The following NAALADL2 variants were observed in gnomAD, a reference collection of about 807,000 sequenced individuals.
NAALADL2 encodes the protein inactive N-acetylated-alpha-linked acidic dipeptidase-like protein 2.
In NAALADL2, 76 loss-of-function variants were observed where a neutral mutation model predicts 87.2. That is an observed-to-expected ratio of 0.87 (90% CI 0.72 to 1.05). NAALADL2 has a LOEUF of 1.05. NAALADL2 is among the 50% of genes least tolerant of loss of function. The pLI, the probability that NAALADL2 is intolerant of heterozygous loss-of-function variation, is 0.00. For missense variants in NAALADL2, 1,089 were observed against 945.8 expected, an observed-to-expected ratio of 1.15 and a Z score of -1.99; for synonymous variants, 354 against 331.0, an observed-to-expected ratio of 1.07 and a Z score of -0.75.
At chr3:174,973,834 C>A (rs57388694) in intron 1 of NAALADL2, among the ~76,000 whole-genome samples, 3,287 of 152,162 alleles carry the variant, frequency 0.022, 117 homozygotes, top group African/African-American at 0.075. Context: ...TAGGATATTA[C>A]AATTTTATGG....
At chr3:175,023,535 G>A (rs1366089167) in intron 1 of NAALADL2, among the ~76,000 whole-genome samples, 2 of 151,944 alleles carry the variant, frequency 1.3e-5, no homozygotes, top group Non-Finnish European at 2.9e-5. Context: ...TTCTCAAAAA[G>A]GGGAAAGCTT....
chr3:175,655,084 G>A (rs1187324475), intron 11 of NAALADL2, among the ~76,000 whole-genome samples: 2 of 152,074 alleles, frequency 1.3e-5, no homozygotes, highest in African/African-American at 4.8e-5. Flanking sequence ...ATGAATTACA[G>A]TTAATTTGAT....
rs370114056 is a variant in NAALADL2, at chr3:174,609,465, A to G, written c.-115+58828A>G. Reference sequence around the variant, plus strand: ...TAAGCTGATAAGCAACTTCAGCAAAATCTCAGGATACAAAATCAATGTACA... The same window carrying G: ...TAAGCTGATAAGCAACTTCAGCAAAGTCTCAGGATACAAAATCAATGTACA... On this transcript the variant is annotated intron_variant, in intron 2 of 3. Coordinates refer to the NAALADL2 transcript ENST00000434257. Among the ~76,000 whole-genome samples, 400 of 152,046 alleles carry G rather than the reference A, an allele frequency of 2.6e-3. 2 individuals are homozygous for G. The highest frequency in any genetic ancestry group is 9.5e-3 in the East Asian group (49 of 5,160).
intron 2 of NAALADL2, among the ~76,000 whole-genome samples, chr3:174,714,914 G>C (rs1045692281): frequency 1.3e-5 from 2 of 152,172 alleles, no homozygotes; most frequent in African/African-American, 4.8e-5. Flanking sequence ...TGCCCATTCA[G>C]TATGATATTG....
chr3:175,347,722 A>G (rs934880745), intron 5 of NAALADL2, among the ~76,000 whole-genome samples: 2 of 152,138 alleles, frequency 1.3e-5, no homozygotes, highest in African/African-American at 2.4e-5. Flanking sequence ...GATGACTTAG[A>G]CAATACCGAT....
At chr3:175,308,968 A>G (rs922508495) in intron 4 of NAALADL2, among the ~76,000 whole-genome samples, 4 of 152,194 alleles carry the variant, frequency 2.6e-5, no homozygotes, top group African/African-American at 7.2e-5. Flanking sequence ...GGTCATGTAT[A>G]TGAATCCTTG....
chr3:175,017,772 G>A (rs1295462445), intron 1 of NAALADL2, among the ~76,000 whole-genome samples: 4 of 151,970 alleles, frequency 2.6e-5, no homozygotes, highest in Admixed American at 6.6e-5. Context: ...TTTTTGGGGG[G>A]CACTGAAGCA....
intron 9 of NAALADL2, among the ~76,000 whole-genome samples, chr3:175,506,809 C>T (rs901168343): frequency 6.6e-6 from 1 of 152,140 alleles, no homozygotes; most frequent in African/African-American, 2.4e-5. Flanking sequence ...ATAAAAAATT[C>T]TCCATACTTG....
chr3:175,769,752 C>G (rs1008233829), intron 13 of NAALADL2, among the ~76,000 whole-genome samples: 3 of 151,224 alleles, frequency 2.0e-5, no homozygotes, highest in African/African-American at 7.3e-5. Context: ...GTGTGTATGT[C>G]TCTGTGTGTG....
intron 3 of NAALADL2, among the ~76,000 whole-genome samples, chr3:174,807,888 T>TGTGTGA (rs575685742): frequency 0.043 from 4,795 of 111,540 alleles, 97 homozygotes; most frequent in African/African-American, 0.051. Flanking sequence ...TGTGTGTGTG[T>TGTGTGA]GAGAGAGAGA....
At chr3:175,286,359 T>A (rs983808736) in intron 4 of NAALADL2, among the ~76,000 whole-genome samples, 2 of 152,164 alleles carry the variant, frequency 1.3e-5, no homozygotes, top group Admixed American at 1.3e-4. Flanking sequence ...TGGGCCACGA[T>A]GGGCAGAAAG....
At chr3:175,238,924 T>C (rs990435345) in intron 3 of NAALADL2, among the ~76,000 whole-genome samples, 5 of 152,176 alleles carry the variant, frequency 3.3e-5, no homozygotes, top group African/African-American at 1.2e-4. Flanking sequence ...TCCCACAACT[T>C]TTTGCTTTTG....
At chr3:175,638,938 C>T (rs1345431547) in intron 11 of NAALADL2, among the ~76,000 whole-genome samples, 1 of 152,142 alleles carries the variant, frequency 6.6e-6, no homozygotes, top group Non-Finnish European at 1.5e-5. Flanking sequence ...ACTTTACTTC[C>T]TTTAGTAGAT....
At chr3:175,097,368 A>G in intron 2 of NAALADL2, 77 bp downstream of exon 2, 1 of 1,337,590 alleles carries the variant, frequency 7.5e-7, no homozygotes, top group Admixed American at 2.2e-5. Flanking sequence ...TGAACTGATG[A>G]TTTTTCATGG....
At chr3:174,949,405 G>T (rs531880576) in intron 1 of NAALADL2, among the ~76,000 whole-genome samples, 44 of 152,248 alleles carry the variant, frequency 2.9e-4, no homozygotes, top group African/African-American at 1.1e-3. Context: ...GGGGAGGGTT[G>T]TCCCTGATAC....
intron 5 of NAALADL2, among the ~76,000 whole-genome samples, chr3:175,368,798 G>A (rs867935124): frequency 2.0e-5 from 3 of 152,116 alleles, no homozygotes; most frequent in South Asian, 4.1e-4. Flanking sequence ...AACCTGCATA[G>A]CATGTTATTG....
At chr3:175,756,326 C>G (rs1048047908) in intron 13 of NAALADL2, among the ~76,000 whole-genome samples, 1 of 152,082 alleles carries the variant, frequency 6.6e-6, no homozygotes, top group African/African-American at 2.4e-5. Flanking sequence ...CTCTTGGTAT[C>G]TACCCAAAGG....
At chr3:174,684,334 A>C (rs1180639383) in intron 2 of NAALADL2, among the ~76,000 whole-genome samples, 1 of 152,130 alleles carries the variant, frequency 6.6e-6, no homozygotes, top group Admixed American at 6.6e-5. Flanking sequence ...TTAAAAGAAT[A>C]AGTAACCATA....
chr3:175,278,112 C>A (rs1043563833), intron 4 of NAALADL2, among the ~76,000 whole-genome samples: 2 of 152,078 alleles, frequency 1.3e-5, no homozygotes, highest in Non-Finnish European at 2.9e-5. Flanking sequence ...GGCGACAAAG[C>A]GAGACTCCGT....
Sources: gnomAD v4.1 joint callset for allele counts (sites outside exome capture counted in the v4.1 genomes callset) on GRCh38, gnomAD v4.1.1 for gene constraint, MANE v1.5 for transcripts, NCBI Gene and HGNC (gene_info 2026-07-23, HGNC 2026-07-21) for gene names.